SASS6: variants seen among roughly 807,000 people sequenced by gnomAD.
The protein encoded by SASS6 is spindle assembly abnormal protein 6 homolog.
In SASS6, 59 loss-of-function variants were observed where a neutral mutation model predicts 94.9. That is an observed-to-expected ratio of 0.62 (90% CI 0.50 to 0.77). SASS6 has a LOEUF of 0.77. SASS6 is among the 30% of genes least tolerant of loss of function. The pLI, the probability that SASS6 is intolerant of heterozygous loss-of-function variation, is 0.00. For synonymous variants in SASS6, 264 were observed against 270.0 expected, an observed-to-expected ratio of 0.98 and a Z score of 0.22; for missense variants, 698 against 734.1, an observed-to-expected ratio of 0.95 and a Z score of 0.57.
intron 1 of SASS6, among the ~76,000 whole-genome samples, chr1:100,131,641 A>G (rs1655039414): frequency 6.6e-6 from 1 of 152,232 alleles, no homozygotes; most frequent in Non-Finnish European, 1.5e-5. Context: ...AGAATGATCA[A>G]CTAAACCTAC....
chr1:100,087,066 T>C lies in SASS6; in HGVS notation c.1772+1073A>G, dbSNP rs1049907034. 2.6e-5 allele frequency among the ~76,000 whole-genome samples: 4 copies of C among 152,196 alleles called. No individual in the cohort carries two copies. In the South Asian group the frequency reaches 8.3e-4, roughly 32 times the overall value. On this transcript the variant is annotated intron_variant, in intron 15 of 16. Coordinates refer to ENST00000287482, the MANE Select transcript of SASS6 (RefSeq NM_194292.3). ...TGGCACAATATCGGCTCACTGCAACTTCTTGCCTCCTGGGTTGAAGCGATT... is the reference window on the plus strand; with the variant it reads ...TGGCACAATATCGGCTCACTGCAACCTCTTGCCTCCTGGGTTGAAGCGATT...
chr1:100,109,921 T>C (rs920026591), intron 8 of SASS6, among the ~76,000 whole-genome samples: 1 of 151,956 alleles, frequency 6.6e-6, no homozygotes, highest in African/African-American at 2.4e-5. Context: ...TATTACTAGA[T>C]ACTAAATTCA....
At chr1:100,113,121 C>G (rs1425550157) in intron 7 of SASS6, among the ~76,000 whole-genome samples, 1 of 152,142 alleles carries the variant, frequency 6.6e-6, no homozygotes. Flanking sequence ...ACAAGGAGTA[C>G]TCCAAAATGA....
At chr1:100,111,909 T>C (rs984963580) in intron 7 of SASS6, among the ~76,000 whole-genome samples, 6 of 151,956 alleles carry the variant, frequency 3.9e-5, no homozygotes, top group Admixed American at 1.3e-4. Flanking sequence ...CTAAAGACAA[T>C]AGAGGCCAAA....
Position 100,106,956 on chromosome 1 carries a change from T to C in SASS6, c.1364A>G (p.Lys455Arg). ...AAGTTGTTTGCTTTCTTCAAGTTTTTTAACTGTAGCTTCTAATTGTTCTTG... is the reference window on the plus strand; with the variant it reads ...AAGTTGTTTGCTTTCTTCAAGTTTTCTAACTGTAGCTTCTAATTGTTCTTG... ...KLQEQLEATV[K>R]KLEESKQLLK... The change falls in exon 12 of 17, where the codon AAA (lysine) becomes AGA (arginine). Residue 455 changes from lysine to arginine, a missense_variant. Lys to Arg is a conservative substitution (Grantham distance 26). Transcript: ENST00000287482. 1 of 1,435,974 alleles carries C rather than the reference T, an allele frequency of 7.0e-7. No individual in the cohort carries two copies. Among genetic ancestry groups the C allele is most frequent in the Non-Finnish European group, 9.8e-7 (1 of 1,021,348 alleles). The allele number at this position is 1,435,974 out of a possible 1,614,324, so 89.0% of individuals were successfully genotyped here. A position where few individuals can be genotyped will look rare whatever the true frequency, so the allele number is the denominator to read the frequency against.
chr1:100,112,146 A>T (rs1653386802), intron 7 of SASS6, among the ~76,000 whole-genome samples: 1 of 152,182 alleles, frequency 6.6e-6, no homozygotes, highest in South Asian at 2.1e-4. Flanking sequence ...AGAGTCTAAC[A>T]GAAAAGGGAG....
chr1:100,123,129 G>A (rs953165947), intron 3 of SASS6, 81 bp downstream of exon 3: 1 of 629,674 alleles, frequency 1.6e-6, no homozygotes, highest in Admixed American at 3.2e-5. Context: ...ATGTAGGTAT[G>A]TGTTTGAAAG....
Position 100,085,572 on chromosome 1 carries a change from A to C in SASS6, c.1831T>G (p.Leu611Val). 1.2e-6 allele frequency: 2 copies of C among 1,613,448 alleles called. No individual in the cohort carries two copies. Among genetic ancestry groups the C allele is most frequent in the Non-Finnish European group, 1.7e-6 (2 of 1,179,528 alleles). Residue 611 changes from leucine (L) to valine (V), a missense_variant, in exon 16 of 17, where the codon TTA becomes GTA. Coordinates refer to ENST00000287482, the MANE Select transcript of SASS6 (RefSeq NM_194292.3). Reference sequence around the variant, plus strand: ...AATAGGTTCTGGCTGAGTCCGCGTAAAGGAATGCTATCTTCCCTTTTCTTC... The same window carrying C: ...AATAGGTTCTGGCTGAGTCCGCGTACAGGAATGCTATCTTCCCTTTTCTTC... Reference protein sequence around the residue: ...YLKKREDSIPLRGLSQNLFSN... With the variant: ...YLKKREDSIPVRGLSQNLFSN...
Position 100,125,885 on chromosome 1 carries a change from T to C in SASS6, c.123A>G (p.Arg41=), listed in dbSNP as rs1014719940. 3.3e-6 allele frequency: 5 copies of C among 1,513,040 alleles called. No homozygotes were observed. Among genetic ancestry groups the C allele is most frequent in the Admixed American group, 1.8e-5 (1 of 54,942 alleles). 93.7% of individuals were successfully genotyped at this position (1,513,040 alleles called of 1,614,324 possible). ...ELQSVSNPVH[R]KDLVIRLTDD... is the part of the protein sequence containing the mutation. ...CAAAAAAGGACTAAATACCAACCTT[T>C]CTGTGAACTGGATTAGAAACTGATT... Residue 41 remains arginine, a synonymous_variant, in exon 2 of 17, where the codon AGA becomes AGG. Transcript: ENST00000287482.
rs942786802 is a variant in SASS6 at position 100,132,822 on chromosome 1, C to G, written c.-8G>C. On this transcript the variant is annotated 5_prime_UTR_variant, in exon 1 of 17. Transcript: ENST00000287482. Reference sequence around the variant, plus strand: ...GAACAGCACTTGGCTCATGTTGGCTCGCTGCCTCGGCTGGTGTGCAGAAAA... The same window carrying G: ...GAACAGCACTTGGCTCATGTTGGCTGGCTGCCTCGGCTGGTGTGCAGAAAA... 1 of 1,613,722 alleles carries G rather than the reference C, an allele frequency of 6.2e-7. No individual in the cohort carries two copies. Among genetic ancestry groups the G allele is most frequent in the East Asian group, 2.2e-5 (1 of 44,882 alleles).
At chr1:100,107,279 A>G (rs535281508) in intron 11 of SASS6, 95 bp downstream of exon 11, 255 of 767,368 alleles carry the variant, frequency 3.3e-4, no homozygotes, top group Non-Finnish European at 5.1e-4. Context: ...AAAAAAAAAA[A>G]CAAGACCAAA....
chr1:100,125,669 C>CA (rs11299065), intron 2 of SASS6, among the ~76,000 whole-genome samples: 3,434 of 80,286 alleles, frequency 0.043, 184 homozygotes, highest in African/African-American at 0.13. Flanking sequence ...GACTCCATCT[C>CA]AAAAAAAAAA....
At chr1:100,086,313 CTT>C (rs531537144) in intron 15 of SASS6, among the ~76,000 whole-genome samples, 26 of 152,126 alleles carry the variant, frequency 1.7e-4, no homozygotes, top group African/African-American at 6.0e-4. Context: ...GGTGAACAGA[CTT>C]TTTTTCTATT....
chr1:100,097,349 T>C (rs1465530184), intron 14 of SASS6, among the ~76,000 whole-genome samples: 1 of 152,222 alleles, frequency 6.6e-6, no homozygotes, highest in African/African-American at 2.4e-5. Context: ...TGTACACATA[T>C]GTTCACAGCA....
intron 13 of SASS6, among the ~76,000 whole-genome samples, chr1:100,104,490 C>T (rs1209763261): frequency 4.6e-5 from 7 of 152,028 alleles, no homozygotes; most frequent in Non-Finnish European, 8.8e-5. Flanking sequence ...GATAGAGTCT[C>T]ACTCTGTTGC....
At position 100,121,508 on chromosome 1, in the gene SASS6, T is replaced by C. The variant is rs747589050; in HGVS notation, c.353A>G (p.Asn118Ser). 1.9e-6 allele frequency: 3 copies of C among 1,599,844 alleles called. No individual in the cohort carries two copies. The highest frequency in any genetic ancestry group is 2.6e-6 in the Non-Finnish European group (3 of 1,171,564). The change falls in exon 5 of 17, where the codon AAC (asparagine) becomes AGC (serine). Residue 118 changes from asparagine to serine, a missense_variant. By Grantham distance (46) the Asn-to-Ser change is conservative. Transcript: ENST00000287482. ...TACCACATTTAAAAATGCAGGTGAG[T>C]TATCCAAAATAGCTGCTGGAGAAAC... ...QLVSPAAILD[N>S]SPAFLNVVET...
rs747222172 is a variant in SASS6 at position 100,088,237 on chromosome 1, C to G, written c.1675-1G>C. 6.6e-7 allele frequency: 1 copy of G among 1,513,710 alleles called. No individual in the cohort carries two copies. The highest frequency in any genetic ancestry group is 9.2e-7 in the Non-Finnish European group (1 of 1,089,420). 93.8% of individuals were successfully genotyped at this position (1,513,710 alleles called of 1,614,324 possible). ...TTGTAAACTGCAAATTAAACTGAAC[C>G]TGTGAGAAGGAAAAACATCTCATGT... On this transcript the variant is annotated splice_acceptor_variant, in intron 14 of 16. Transcript: ENST00000287482. LOFTEE classifies it high-confidence loss of function.
At chr1:100,128,965 A>G (rs2658647) in intron 1 of SASS6, among the ~76,000 whole-genome samples, 144,597 of 152,184 alleles carry the variant, frequency 0.95, 68,720 homozygotes, top group East Asian at 1. Context: ...GGGGCTTGGC[A>G]CAGTGGCTCA....
chr1:100,117,510 C>T (rs191618773), intron 7 of SASS6, among the ~76,000 whole-genome samples: 37 of 151,810 alleles, frequency 2.4e-4, no homozygotes, highest in Admixed American at 1.4e-3. Flanking sequence ...ATTAGCCAGG[C>T]ATGGTGGTGG....
Sources: allele counts gnomAD v4.1 joint callset (sites outside exome capture counted in the v4.1 genomes callset), GRCh38; gene constraint gnomAD v4.1.1; transcripts MANE v1.5; gene names NCBI Gene and HGNC (gene_info 2026-07-23, HGNC 2026-07-21).